The following HECA variants were observed in gnomAD, a reference collection of about 807,000 sequenced individuals.
HECA encodes the protein HECA ribonucleoprotein granule regulator.
Under a neutral mutation model 37.6 loss-of-function variants are expected in HECA, and 13 were observed. The ratio of observed to expected loss-of-function variants is 0.35; its 90% CI spans 0.23 to 0.55. HECA has a LOEUF of 0.55. Ranked by LOEUF, HECA falls within the 20% of genes least tolerant of loss-of-function variation. The pLI, the probability that HECA is intolerant of heterozygous loss-of-function variation, is 0.90. For missense variants in HECA, 527 were observed against 701.9 expected, an observed-to-expected ratio of 0.75 and a Z score of 2.82; for synonymous variants, 307 against 291.5, an observed-to-expected ratio of 1.05 and a Z score of -0.54.
chr6:139,179,835 G>A lies in HECA; in HGVS notation c.*2730G>A, dbSNP rs1297775602. On this transcript the variant is annotated 3_prime_UTR_variant, in exon 4 of 4. Coordinates refer to ENST00000367658, the MANE Select transcript of HECA (RefSeq NM_016217.3). ...CCCAAGAGATCCAATTTGTTTTTCT[G>A]ATGAATAGTGTTCAGTAAAATGAAG... 1 of 152,156 alleles carries A rather than the reference G, an allele frequency of 6.6e-6. No individual in the cohort carries two copies. The highest frequency in any genetic ancestry group is 6.5e-5 in the Admixed American group (1 of 15,290). The allele number at this position is 152,156 out of a possible 1,614,324, so 9.4% of individuals were successfully genotyped here. A position where few individuals can be genotyped will look rare whatever the true frequency, so the allele number is the denominator to read the frequency against.
At chr6:139,148,989 C>A (rs886841856) in intron 1 of HECA, among the ~76,000 whole-genome samples, 2 of 152,166 alleles carry the variant, frequency 1.3e-5, no homozygotes, top group Non-Finnish European at 2.9e-5. Flanking sequence ...TCTCAAGAAC[C>A]AGGCTGCAAA....
intron 1 of HECA, among the ~76,000 whole-genome samples, chr6:139,163,507 C>G (rs1774837281): frequency 6.6e-6 from 1 of 152,074 alleles, no homozygotes; most frequent in Non-Finnish European, 1.5e-5. Flanking sequence ...GTGTGCGCCA[C>G]TACACCCAGC....
At position 139,177,443 on chromosome 6, in the gene HECA, G is replaced by A; in HGVS notation, c.*338G>A. 5.7e-6 allele frequency: 1 copy of A among 174,016 alleles called. No homozygotes were observed. Among genetic ancestry groups the A allele is most frequent in the Non-Finnish European group, 1.2e-5 (1 of 81,844 alleles). The allele number at this position is 174,016 out of a possible 1,614,324, so 10.8% of individuals were successfully genotyped here. On this transcript the variant is annotated 3_prime_UTR_variant, in exon 4 of 4. Transcript: ENST00000367658. The surrounding 1 kb of genome is among the most constrained non-coding windows in gnomAD (Gnocchi z 4.9). ...TAAACTAAGAGCTTGATAGGAGTTG[G>A]AAGGAAACTCTTACTAAAATGTTAA...
chr6:139,137,213 T>C lies in HECA; in HGVS notation c.271+1546T>C, dbSNP rs1019733425. On this transcript the variant is annotated intron_variant, in intron 1 of 3. Coordinates refer to ENST00000367658, the MANE Select transcript of HECA (RefSeq NM_016217.3). Reference sequence around the variant, plus strand: ...GGTATTGATGTGGCAGAGAGAAAGGTGCTCAGACTCTGGGTAGGACAGACT... The same window carrying C: ...GGTATTGATGTGGCAGAGAGAAAGGCGCTCAGACTCTGGGTAGGACAGACT... Among the ~76,000 whole-genome samples, 5 of 152,122 alleles carry C rather than the reference T, an allele frequency of 3.3e-5. No individual in the cohort carries two copies. The South Asian group carries it at 1.0e-3, about 31-fold the overall frequency.
chr6:139,136,159 G>A (rs73556617), intron 1 of HECA, among the ~76,000 whole-genome samples: 106 of 152,010 alleles, frequency 7.0e-4, no homozygotes, highest in African/African-American at 2.4e-3. Context: ...ATCGCCACAG[G>A]TGAAGAGGCC....
intron 1 of HECA, among the ~76,000 whole-genome samples, chr6:139,136,406 C>T (rs1774437083): frequency 6.6e-6 from 1 of 152,024 alleles, no homozygotes; most frequent in African/African-American, 2.4e-5. Context: ...AGGAACTGGC[C>T]CAGATGTGAC....
At chr6:139,162,144 C>T (rs775699070) in intron 1 of HECA, among the ~76,000 whole-genome samples, 34 of 152,182 alleles carry the variant, frequency 2.2e-4, no homozygotes, top group Middle Eastern at 3.4e-3. Flanking sequence ...TCTCCTGAGT[C>T]GTCAGCTGGT....
chr6:139,158,641 G>A (rs1465223328), intron 1 of HECA, among the ~76,000 whole-genome samples: 3 of 146,668 alleles, frequency 2.0e-5, no homozygotes, highest in Non-Finnish European at 3.0e-5. Context: ...ACTGTACTCC[G>A]GTGTGAGCAA....
chr6:139,161,210 C>T (rs1232418341), intron 1 of HECA, among the ~76,000 whole-genome samples: 5 of 152,150 alleles, frequency 3.3e-5, no homozygotes, highest in African/African-American at 1.2e-4. Context: ...CCCCATTTTG[C>T]CTGTCTCCCT....
At position 139,167,296 on chromosome 6, in the gene HECA, C is replaced by G; in HGVS notation, c.1284C>G (p.Ile428Met). The G allele has an allele frequency of 1.9e-6, 3 of 1,601,762 alleles. No homozygotes were observed. In the South Asian group the frequency reaches 3.3e-5, roughly 18 times the overall value. ...TAAGCCCGTCGAGACATGATGAGAT[C>G]GAATATGATGTTCCTTGTCACCTTC... The part of the protein sequence containing the change: ...LFLSPSRHDE[I>M]EYDVPCHLQG... Residue 428 changes from isoleucine (I) to methionine (M), a missense_variant, in exon 2 of 4, where the codon ATC (isoleucine) becomes ATG (methionine). Physicochemically the swap from Ile to Met is conservative, Grantham distance 10. This residue lies in a region of HECA where 106 missense variants were observed against 193.4 expected (regional missense o/e 0.55). Transcript: ENST00000367658.
intron 1 of HECA, among the ~76,000 whole-genome samples, chr6:139,136,282 A>G (rs560535109): frequency 4.9e-4 from 74 of 151,674 alleles, no homozygotes; most frequent in Admixed American, 9.2e-4. Context: ...AAAAAAAAAA[A>G]AAAAGAAAAG....
intron 1 of HECA, among the ~76,000 whole-genome samples, chr6:139,136,739 A>C (rs1774452240): frequency 6.6e-6 from 1 of 151,592 alleles, no homozygotes; most frequent in African/African-American, 2.4e-5. Flanking sequence ...GTCTGAAGCG[A>C]TTCTCCTGCC....
intron 2 of HECA, among the ~76,000 whole-genome samples, chr6:139,171,964 G>A (rs576328887): frequency 6.6e-6 from 1 of 152,080 alleles, no homozygotes; most frequent in African/African-American, 2.4e-5. Flanking sequence ...ATGAGTAGCT[G>A]GGACTACAGG....
intron 1 of HECA, among the ~76,000 whole-genome samples, chr6:139,139,514 C>G (rs932124991): frequency 7.2e-5 from 11 of 152,212 alleles, no homozygotes; most frequent in African/African-American, 2.7e-4. Flanking sequence ...CTGGAGGTTA[C>G]TGGAGAGTGC....
chr6:139,172,702 C>T (rs1200464050), intron 2 of HECA, among the ~76,000 whole-genome samples: 3 of 152,096 alleles, frequency 2.0e-5, no homozygotes, highest in South Asian at 4.1e-4. Flanking sequence ...AGTGAGTTTG[C>T]CTGTAGGTTA....
At chr6:139,158,652 C>G (rs1407993221) in intron 1 of HECA, among the ~76,000 whole-genome samples, 1 of 127,118 alleles carries the variant, frequency 7.9e-6, no homozygotes, top group Non-Finnish European at 1.6e-5. Flanking sequence ...GTGTGAGCAA[C>G]AGAGCAAGAC....
At position 139,135,351 on chromosome 6, in the gene HECA, C is replaced by T; in HGVS notation, c.-46C>T. ...CCGGGAACGGCCGTGCCTCTGGGAT[C>T]CGCCTTCGCTGACGCCGGGCACCTA... is the stretch of plus-strand genomic sequence containing the variant. On this transcript the variant is annotated 5_prime_UTR_variant, in exon 1 of 4. Transcript: ENST00000367658. 2 of 1,282,528 alleles carry T rather than the reference C, an allele frequency of 1.6e-6. No individual in the cohort carries two copies. The highest frequency in any genetic ancestry group is 4.6e-5 in the East Asian group (1 of 21,726). 79.4% of individuals were successfully genotyped at this position (1,282,528 alleles called of 1,614,324 possible).
intron 2 of HECA, chr6:139,169,731 C>G (rs1774945405): frequency 6.6e-6 from 1 of 152,192 alleles, no homozygotes; most frequent in Non-Finnish European, 1.5e-5. Flanking sequence ...TCACATGTTG[C>G]TCTCAGGATG....
intron 1 of HECA, among the ~76,000 whole-genome samples, chr6:139,150,817 A>T (rs1206906497): frequency 6.6e-6 from 1 of 152,208 alleles, no homozygotes; most frequent in Admixed American, 6.5e-5. Flanking sequence ...ATTTAATTAA[A>T]ATATCACTAG....
Sources: gnomAD v4.1 joint callset for allele counts (sites outside exome capture counted in the v4.1 genomes callset) on GRCh38, gnomAD v4.1.1 for gene constraint, gnomAD v4.1.1 regional missense constraint, Gnocchi (gnomAD v3.1) non-coding constraint, MANE v1.5 for transcripts, NCBI Gene and HGNC (gene_info 2026-07-23, HGNC 2026-07-21) for gene names.